GJD3: variants seen among roughly 807,000 people sequenced by gnomAD.
GJD3 encodes the protein gap junction delta-3 protein.
For synonymous variants in GJD3, 217 were observed against 226.7 expected (o/e 0.96, Z 0.38); for missense variants, 421 against 448.5 (o/e 0.94, Z 0.55).
chr17:40,363,359 C>A lies in GJD3; in HGVS notation c.457G>T (p.Gly153Cys). ...CGGAAGCCGTAGAGCAGCGCCTGGC[C>A]GCCCAGGAAGGTCAGCTCGGCCAGC... ...RLLAELTFLG[G>C]QALLYGFRVA... is the part of the protein sequence containing the mutation. The change falls in exon 1 of 1, where the codon GGC becomes TGC. Residue 153 changes from glycine (G) to cysteine (C), a missense_variant. Gly to Cys is a radical substitution (Grantham distance 159, BLOSUM62 -3). Transcript: ENST00000578689. This position sits in a 1 kb window ranked among gnomAD's most constrained non-coding sequence, Gnocchi z 5.5. 1 of 1,407,286 alleles carries A rather than the reference C, an allele frequency of 7.1e-7. No individual in the cohort carries two copies. The allele number at this position is 1,407,286 out of a possible 1,614,324, so 87.2% of individuals were successfully genotyped here.
In GJD3 at chr17:40,363,072, C is replaced by G. The variant is rs1173060081; in HGVS notation, c.744G>C (p.Pro248=). ...LPPPPPPPPP[P]ALPSRRPGPE... is the part of the protein sequence containing the mutation. ...GGCCGGGGCGCCGGGAGGGCAGGGC[C>G]GGTGGCGGAGGTGGCGGCGGCGGCG... is the stretch of plus-strand genomic sequence containing the variant. The change falls in exon 1 of 1, where the codon CCG becomes CCC. Residue 248 remains proline (P), a synonymous_variant. Transcript: ENST00000578689. This position sits in a 1 kb window ranked among gnomAD's most constrained non-coding sequence, Gnocchi z 5.5. The G allele has an allele frequency of 1.2e-5, 15 of 1,260,702 alleles. No homozygotes were observed. In the South Asian group the frequency reaches 3.7e-4, roughly 31 times the overall value. The allele number at this position is 1,260,702 out of a possible 1,614,324, so 78.1% of individuals were successfully genotyped here.
At position 40,363,072 on chromosome 17, in the gene GJD3, C is replaced by CGGTGGCGGA. The variant is rs1331620894; in HGVS notation, c.735_743dup (p.Pro246_Pro248dup). 1.3e-5 allele frequency: 16 copies of CGGTGGCGGA among 1,260,702 alleles called. No homozygotes were observed. The highest frequency in any genetic ancestry group is 2.7e-4 in the Middle Eastern group (1 of 3,656). 78.1% of individuals were successfully genotyped at this position (1,260,702 alleles called of 1,614,324 possible). A position where few individuals can be genotyped will look rare whatever the true frequency, so the allele number is the denominator to read the frequency against. ...GGCCGGGGCGCCGGGAGGGCAGGGC[C>CGGTGGCGGA]GGTGGCGGAGGTGGCGGCGGCGGCG... On this transcript the variant is annotated inframe_insertion, in exon 1 of 1. Transcript: ENST00000578689. The surrounding 1 kb of genome is among the most constrained non-coding windows in gnomAD (Gnocchi z 5.5).
Position 40,361,977 on chromosome 17 carries a change from C to CG in GJD3, c.*953dup, listed in dbSNP as rs2034756645. Among the ~76,000 whole-genome samples the CG allele has an allele frequency of 6.6e-6, 1 of 151,892 alleles. No individual in the cohort carries two copies. Among genetic ancestry groups the CG allele is most frequent in the African/African-American group, 2.4e-5 (1 of 41,426 alleles). On this transcript the variant is annotated 3_prime_UTR_variant, in exon 1 of 1. Transcript: ENST00000578689. ...AGGCTCCCGAGGATTGAGGCCTGCC[C>CG]GGGGAAAGGGAGCCTCTCCTCCTCT...
At position 40,363,428 on chromosome 17, in the gene GJD3, G is replaced by T. The variant is rs2034771739; in HGVS notation, c.388C>A (p.Arg130Ser). 1.5e-6 allele frequency: 2 copies of T among 1,302,976 alleles called. No individual in the cohort carries two copies. Among genetic ancestry groups the T allele is most frequent in the Non-Finnish European group, 9.7e-7 (1 of 1,030,686 alleles). The allele number at this position is 1,302,976 out of a possible 1,614,324, so 80.7% of individuals were successfully genotyped here. A position where few individuals can be genotyped will look rare whatever the true frequency, so the allele number is the denominator to read the frequency against. The change falls in exon 1 of 1, where the codon CGC (arginine) becomes AGC (serine). Residue 130 changes from arginine to serine, a missense_variant. Arg to Ser is a moderately radical substitution (Grantham distance 110). Transcript: ENST00000578689. This position sits in a 1 kb window ranked among gnomAD's most constrained non-coding sequence, Gnocchi z 5.5. ...AQCAPCALRA[R>S]RARRCYLLSV... ...AGCAGGTAGCAGCGGCGCGCGCGGC[G>T]GGCGCGCAGGGCGCACGGCGCGCAC...
rs2034769562 is a variant in GJD3 at position 40,363,269 on chromosome 17, G to A, written c.547C>T (p.Arg183Trp). 1 of 1,429,752 alleles carries A rather than the reference G, an allele frequency of 7.0e-7. No homozygotes were observed. The highest frequency in any genetic ancestry group is 9.2e-7 in the Non-Finnish European group (1 of 1,089,740). 88.6% of individuals were successfully genotyped at this position (1,429,752 alleles called of 1,614,324 possible). The change falls in exon 1 of 1, where the codon CGG becomes TGG. Residue 183 changes from arginine (R) to tryptophan (W), a missense_variant. Physicochemically the swap from Arg to Trp is moderately radical, Grantham distance 101. Transcript: ENST00000578689. This position sits in a 1 kb window ranked among gnomAD's most constrained non-coding sequence, Gnocchi z 5.5. Reference protein sequence around the residue: ...CPHTVDCFVSRPTEKTVFVLF... With the variant: ...CPHTVDCFVSWPTEKTVFVLF... ...ACGAAGACGGTCTTCTCGGTGGGCCGGCTCACGAAGCAGTCGACCGTGTGC... is the reference window on the plus strand; with the variant it reads ...ACGAAGACGGTCTTCTCGGTGGGCCAGCTCACGAAGCAGTCGACCGTGTGC...
In GJD3 at chr17:40,363,604, G is replaced by A. The variant is rs2034774687; in HGVS notation, c.212C>T (p.Pro71Leu). Residue 71 changes from proline (P) to leucine (L), a missense_variant, in exon 1 of 1, where the codon CCG becomes CTG. Physicochemically the swap from Pro to Leu is moderately conservative, Grantham distance 98. Transcript: ENST00000578689. This position sits in a 1 kb window ranked among gnomAD's most constrained non-coding sequence, Gnocchi z 5.5. ...GAGCCAGAAGCGGTAGTGGGAGACC[G>A]GGAAGGCGCGGTCGTAGCAGGTCTG... ...CRQTCYDRAF[P>L]VSHYRFWLFH... The A allele has an allele frequency of 6.2e-7, 1 of 1,600,882 alleles. No homozygotes were observed. The highest frequency in any genetic ancestry group is 1.7e-5 in the Admixed American group (1 of 58,164).
chr17:40,363,427 CGGGCGCGCA>C lies in GJD3; in HGVS notation c.380_388del (p.Leu127_Ala129del). 7.7e-7 allele frequency: 1 copy of C among 1,306,280 alleles called. No homozygotes were observed. The highest frequency in any genetic ancestry group is 2.3e-5 in the South Asian group (1 of 43,014). 80.9% of individuals were successfully genotyped at this position (1,306,280 alleles called of 1,614,324 possible). ...CAGCAGGTAGCAGCGGCGCGCGCGGCGGGCGCGCAGGGCGCACGGCGCGCACTGGGCCTC... is the reference window on the plus strand; with the variant it reads ...CAGCAGGTAGCAGCGGCGCGCGCGGCGGGCGCACGGCGCGCACTGGGCCTC... On this transcript the variant is annotated inframe_deletion, in exon 1 of 1. Coordinates refer to ENST00000578689, the MANE Select transcript of GJD3 (RefSeq NM_152219.4). This position sits in a 1 kb window ranked among gnomAD's most constrained non-coding sequence, Gnocchi z 5.5.
rs955075221 is a variant in GJD3 at position 40,363,630 on chromosome 17, G to A, written c.186C>T (p.Arg62=). 6.2e-6 allele frequency: 10 copies of A among 1,605,156 alleles called. No homozygotes were observed. Among genetic ancestry groups the A allele is most frequent in the Non-Finnish European group, 8.5e-6 (10 of 1,176,552 alleles). Residue 62 remains arginine, a synonymous_variant, in exon 1 of 1, where the codon CGC becomes CGT. Coordinates refer to ENST00000578689, the MANE Select transcript of GJD3 (RefSeq NM_152219.4). This position sits in a 1 kb window ranked among gnomAD's most constrained non-coding sequence, Gnocchi z 5.5. The part of the protein sequence containing the change: ...FVCNTLQPGC[R]QTCYDRAFPV... The stretch of plus-strand genomic sequence containing the variant: ...GGAAGGCGCGGTCGTAGCAGGTCTG[G>A]CGACAGCCCGGCTGCAGCGTGTTGC...
chr17:40,363,907 C>G lies in GJD3; in HGVS notation c.-92G>C. 6.8e-7 allele frequency: 1 copy of G among 1,462,036 alleles called. No individual in the cohort carries two copies. The highest frequency in any genetic ancestry group is 1.4e-5 in the South Asian group (1 of 70,524). 90.6% of individuals were successfully genotyped at this position (1,462,036 alleles called of 1,614,324 possible). ...CCTATCGGGGTGGGGTCCGTTGGAC[C>G]TTCTCTGACTTCAGGGTGAGTCGTG... On this transcript the variant is annotated 5_prime_UTR_variant, in exon 1 of 1. Transcript: ENST00000578689. This position sits in a 1 kb window ranked among gnomAD's most constrained non-coding sequence, Gnocchi z 5.5.
chr17:40,361,075 G>A lies in GJD3; in HGVS notation c.*1856C>T, dbSNP rs781383398. ...GGGGCATCCAGCTCTGTCTTGGGGTGGGGGCTACCAGGGGAGCCCTCTCCT... is the reference window on the plus strand; with the variant it reads ...GGGGCATCCAGCTCTGTCTTGGGGTAGGGGCTACCAGGGGAGCCCTCTCCT... On this transcript the variant is annotated 3_prime_UTR_variant, in exon 1 of 1. Coordinates refer to ENST00000578689, the MANE Select transcript of GJD3 (RefSeq NM_152219.4). 6.6e-6 allele frequency: 3 copies of A among 452,980 alleles called. No individual in the cohort carries two copies. Among genetic ancestry groups the A allele is most frequent in the Non-Finnish European group, 1.3e-5 (3 of 225,444 alleles). The allele number at this position is 452,980 out of a possible 1,614,324, so 28.1% of individuals were successfully genotyped here.
At position 40,362,351 on chromosome 17, in the gene GJD3, G is replaced by A. The variant is rs1295771569; in HGVS notation, c.*580C>T. ...GGGGCATATGTTTCTGTGTGCATGT[G>A]CACACAGCTCACCCGGGAGGGTTAC... On this transcript the variant is annotated 3_prime_UTR_variant, in exon 1 of 1. Coordinates refer to ENST00000578689, the MANE Select transcript of GJD3 (RefSeq NM_152219.4). Among the ~76,000 whole-genome samples the A allele has an allele frequency of 6.6e-6, 1 of 152,152 alleles. No homozygotes were observed. Among genetic ancestry groups the A allele is most frequent in the Non-Finnish European group, 1.5e-5 (1 of 68,024 alleles).
At position 40,363,084 on chromosome 17, in the gene GJD3, T is replaced by TGGCGGCGGC; in HGVS notation, c.723_731dup (p.Pro246_Pro248dup). ...GGGAGGGCAGGGCCGGTGGCGGAGG[T>TGGCGGCGGC]GGCGGCGGCGGCGGCGGGAGCAGCT... On this transcript the variant is annotated inframe_insertion, in exon 1 of 1. Transcript: ENST00000578689. The surrounding 1 kb of genome is among the most constrained non-coding windows in gnomAD (Gnocchi z 5.5). 2 of 1,261,980 alleles carry TGGCGGCGGC rather than the reference T, an allele frequency of 1.6e-6. No individual in the cohort carries two copies. Among genetic ancestry groups the TGGCGGCGGC allele is most frequent in the Non-Finnish European group, 2.0e-6 (2 of 1,001,928 alleles). 78.2% of individuals were successfully genotyped at this position (1,261,980 alleles called of 1,614,324 possible).
Position 40,362,631 on chromosome 17 carries a change from T to G in GJD3, c.*300A>C, listed in dbSNP as rs577946427. Among the ~76,000 whole-genome samples the G allele has an allele frequency of 6.6e-6, 1 of 152,286 alleles. No homozygotes were observed. The highest frequency in any genetic ancestry group is 2.1e-4 in the South Asian group (1 of 4,832). On this transcript the variant is annotated 3_prime_UTR_variant, in exon 1 of 1. Coordinates refer to ENST00000578689, the MANE Select transcript of GJD3 (RefSeq NM_152219.4). Reference sequence around the variant, plus strand: ...TCCACCTTCCGCTCTGTTCTCCCCCTCGGGTCCACTCTCTCTCAGGGTCCT... The same window carrying G: ...TCCACCTTCCGCTCTGTTCTCCCCCGCGGGTCCACTCTCTCTCAGGGTCCT...
Position 40,363,728 on chromosome 17 carries a change from G to A in GJD3, c.88C>T (p.Leu30=). ...LVGRLWLVVM[L]IFRILVLATV... Reference sequence around the variant, plus strand: ...GCCAGCACCAGGATGCGGAAGATCAGCATGACCACCAGCCAGAGGCGGCCC... The same window carrying A: ...GCCAGCACCAGGATGCGGAAGATCAACATGACCACCAGCCAGAGGCGGCCC... Residue 30 remains leucine, a synonymous_variant, in exon 1 of 1, where the codon CTG becomes TTG. Transcript: ENST00000578689. The surrounding 1 kb of genome is among the most constrained non-coding windows in gnomAD (Gnocchi z 5.5). 6.2e-7 allele frequency: 1 copy of A among 1,610,224 alleles called. No individual in the cohort carries two copies. The highest frequency in any genetic ancestry group is 8.5e-7 in the Non-Finnish European group (1 of 1,179,334).
rs1210888602 is a variant in GJD3 at position 40,361,106 on chromosome 17, G to T, written c.*1825C>A. On this transcript the variant is annotated 3_prime_UTR_variant, in exon 1 of 1. Transcript: ENST00000578689. ...TACCAGGGGAGCCCTCTCCTTGAAG[G>T]TGTCTGTTTTCTTCCCAAGTGACAA... 2 of 439,982 alleles carry T rather than the reference G, an allele frequency of 4.5e-6. No homozygotes were observed. Among genetic ancestry groups the T allele is most frequent in the African/African-American group, 2.0e-5 (1 of 49,406 alleles). The allele number at this position is 439,982 out of a possible 1,614,324, so 27.3% of individuals were successfully genotyped here.
In GJD3 at chr17:40,361,867, G is replaced by A. The variant is rs1192100360; in HGVS notation, c.*1064C>T. Among the ~76,000 whole-genome samples, 2 of 150,312 alleles carry A rather than the reference G, an allele frequency of 1.3e-5. No individual in the cohort carries two copies. Among genetic ancestry groups the A allele is most frequent in the African/African-American group, 4.9e-5 (2 of 40,742 alleles). ...ATAACACACGTCTGGGTTGCCCTCTGGCCCGCCGCCCACCCCCACCCCACC... is the reference window on the plus strand; with the variant it reads ...ATAACACACGTCTGGGTTGCCCTCTAGCCCGCCGCCCACCCCCACCCCACC... On this transcript the variant is annotated 3_prime_UTR_variant, in exon 1 of 1. Coordinates refer to ENST00000578689, the MANE Select transcript of GJD3 (RefSeq NM_152219.4).
At position 40,363,440 on chromosome 17, in the gene GJD3, C is replaced by A; in HGVS notation, c.376G>T (p.Ala126Ser). The A allele has an allele frequency of 7.5e-7, 1 of 1,329,336 alleles. No homozygotes were observed. The highest frequency in any genetic ancestry group is 9.6e-7 in the Non-Finnish European group (1 of 1,044,536). The allele number at this position is 1,329,336 out of a possible 1,614,324, so 82.3% of individuals were successfully genotyped here. A position where few individuals can be genotyped will look rare whatever the true frequency, so the allele number is the denominator to read the frequency against. Residue 126 changes from alanine (A) to serine (S), a missense_variant, in exon 1 of 1, where the codon GCC becomes TCC. Transcript: ENST00000578689. The surrounding 1 kb of genome is among the most constrained non-coding windows in gnomAD (Gnocchi z 5.5). Reference sequence around the variant, plus strand: ...CGGCGCGCGCGGCGGGCGCGCAGGGCGCACGGCGCGCACTGGGCCTCGGGC... The same window carrying A: ...CGGCGCGCGCGGCGGGCGCGCAGGGAGCACGGCGCGCACTGGGCCTCGGGC... Reference protein sequence around the residue: ...GLPEAQCAPCALRARRARRCY... With the variant: ...GLPEAQCAPCSLRARRARRCY...
chr17:40,364,225 A>T lies in GJD3; in HGVS notation c.-410T>A, dbSNP rs2034780930. 2 of 186,596 alleles carry T rather than the reference A, an allele frequency of 1.1e-5. No individual in the cohort carries two copies. Among genetic ancestry groups the T allele is most frequent in the South Asian group, 2.6e-4 (2 of 7,634 alleles). 11.6% of individuals were successfully genotyped at this position (186,596 alleles called of 1,614,324 possible). ...CCAGCGGTGCCCTTAGCTGTCAAGG[A>T]TGCTGTGGGAAGAGTGGAGCCTCGA... On this transcript the variant is annotated 5_prime_UTR_variant, in exon 1 of 1. Transcript: ENST00000578689.
rs1345934386 is a variant in GJD3 at position 40,362,552 on chromosome 17, T to C, written c.*379A>G. The stretch of plus-strand genomic sequence containing the variant: ...CCACTCTCTCTCTGAACACAGAGAG[T>C]GCCTGAGAATGCTGGCATCACAGTT... On this transcript the variant is annotated 3_prime_UTR_variant, in exon 1 of 1. Transcript: ENST00000578689. Among the ~76,000 whole-genome samples, 1 of 152,012 alleles carries C rather than the reference T, an allele frequency of 6.6e-6. No individual in the cohort carries two copies. The highest frequency in any genetic ancestry group is 1.5e-5 in the Non-Finnish European group (1 of 67,950).
Sources: allele counts gnomAD v4.1 joint callset (sites outside exome capture counted in the v4.1 genomes callset), GRCh38; gene constraint gnomAD v4.1.1; non-coding constraint Gnocchi (gnomAD v3.1); transcripts MANE v1.5; gene names NCBI Gene and HGNC (gene_info 2026-07-23, HGNC 2026-07-21).